BICRAL: variants seen among roughly 807,000 people sequenced by gnomAD.
BICRAL encodes the protein BICRA like chromatin remodeling complex associated protein, also known as BRD4-interacting chromatin-remodeling complex-associated protein-like.
A neutral mutation model predicts 91.8 loss-of-function variants in BICRAL; 8 were observed. The ratio of observed to expected loss-of-function variants is 0.09; its 90% CI spans 0.05 to 0.16. The LOEUF (loss-of-function observed/expected upper bound fraction) is 0.16, where lower values mean the gene tolerates loss of function less well. BICRAL is among the 10% of genes least tolerant of loss of function. The probability of loss-of-function intolerance (pLI) is 1.00; values close to 1 mark genes in which losing one functional copy is unlikely to be tolerated. For synonymous variants in BICRAL, 445 were observed against 491.1 expected (o/e 0.91, Z 1.24); for missense variants, 1,038 against 1,310.9 (o/e 0.79, Z 3.21).
intron 1 of BICRAL, among the ~76,000 whole-genome samples, chr6:42,787,645 G>C (rs761776514): frequency 2.0e-4 from 31 of 152,150 alleles, no homozygotes; most frequent in Non-Finnish European, 2.1e-4. Flanking sequence ...AAGAAAGAGG[G>C]AATGGTCACC....
At chr6:42,789,186 T>C (rs1320485342) in intron 1 of BICRAL, among the ~76,000 whole-genome samples, 1 of 152,188 alleles carries the variant, frequency 6.6e-6, no homozygotes, top group African/African-American at 2.4e-5. Context: ...TAAAGCTGGA[T>C]AGGGCTCTTG....
At chr6:42,781,604 T>G (rs1383344456), upstream of BICRAL, among the ~76,000 whole-genome samples, 6 of 147,274 alleles carry the variant, frequency 4.1e-5, no homozygotes, top group African/African-American at 1.5e-4. Context: ...TGGGTGTGTG[T>G]GTGTGTGTGT....
At chr6:42,783,018 G>T (rs1290183713) in intron 1 of BICRAL, among the ~76,000 whole-genome samples, 1 of 151,788 alleles carries the variant, frequency 6.6e-6, no homozygotes, top group Admixed American at 6.6e-5. Flanking sequence ...CGGAGACGGG[G>T]TTTATTTTTC....
intron 1 of BICRAL, among the ~76,000 whole-genome samples, chr6:42,776,011 G>GT (rs1264647428): frequency 6.6e-6 from 1 of 152,000 alleles, no homozygotes; most frequent in South Asian, 2.1e-4. Context: ...TGAAGCAAAG[G>GT]TTTTTTATTT....
At chr6:42,851,207 C>T (rs1226392545) in intron 6 of BICRAL, among the ~76,000 whole-genome samples, 1 of 151,808 alleles carries the variant, frequency 6.6e-6, no homozygotes. Flanking sequence ...TAAATAAAAG[C>T]CCTTTATCTT....
At chr6:42,783,881 C>T (rs1763019052) in intron 1 of BICRAL, among the ~76,000 whole-genome samples, 1 of 152,182 alleles carries the variant, frequency 6.6e-6, no homozygotes, top group Admixed American at 6.5e-5. Context: ...ACGTCTTTGT[C>T]TTCTCTGGCC....
At chr6:42,852,465 C>G (rs143954651) in intron 7 of BICRAL, 1 of 563,936 alleles carries the variant, frequency 1.8e-6, no homozygotes, top group Non-Finnish European at 3.4e-6. Flanking sequence ...AGTTCAAGAC[C>G]AGCCCGACCA....
At chr6:42,752,912 CTTTTT>C (rs57864510) in intron 1 of BICRAL, among the ~76,000 whole-genome samples, 1 of 82,230 alleles carries the variant, frequency 1.2e-5, no homozygotes, top group Non-Finnish European at 2.3e-5. Context: ...CCCCAGCTGA[CTTTTT>C]TTTTTTTTTT....
At chr6:42,809,108 C>T (rs933359996) in intron 1 of BICRAL, among the ~76,000 whole-genome samples, 1 of 151,668 alleles carries the variant, frequency 6.6e-6, no homozygotes, top group Admixed American at 6.6e-5. Flanking sequence ...CCCGGCACCC[C>T]CCCCAACAGG....
chr6:42,863,049 CT>C (rs34653827), intron 12 of BICRAL, among the ~76,000 whole-genome samples: 7,307 of 130,610 alleles, frequency 0.056, 119 homozygotes, highest in Non-Finnish European at 0.071. Context: ...ATGGACATTT[CT>C]TTTTTTTTTT....
intron 1 of BICRAL, among the ~76,000 whole-genome samples, chr6:42,757,602 A>G (rs766210702): frequency 3.3e-5 from 5 of 151,950 alleles, no homozygotes; most frequent in African/African-American, 4.8e-5. Flanking sequence ...GGCCAGAAAG[A>G]TCTCGAACTC....
At chr6:42,843,685 C>T (rs988363138) in intron 6 of BICRAL, among the ~76,000 whole-genome samples, 2 of 151,868 alleles carry the variant, frequency 1.3e-5, no homozygotes, top group African/African-American at 2.4e-5. Flanking sequence ...AGGGTATGTT[C>T]GTCAAGTTTG....
intron 1 of BICRAL, among the ~76,000 whole-genome samples, chr6:42,754,640 C>G (rs1250043632): frequency 6.6e-6 from 1 of 152,182 alleles, no homozygotes; most frequent in East Asian, 1.9e-4. Flanking sequence ...GCCTGTAATG[C>G]CAGCACTTTG....
At chr6:42,851,982 T>G (rs1765198116) in intron 6 of BICRAL, 110 bp from the exon 7 acceptor site, 17 of 658,434 alleles carry the variant, frequency 2.6e-5, no homozygotes, top group Non-Finnish European at 4.2e-5. Flanking sequence ...TTGTTTATAA[T>G]CTAACCTGAA....
At chr6:42,824,158 G>A (rs1032444204) in intron 5 of BICRAL, among the ~76,000 whole-genome samples, 2 of 151,822 alleles carry the variant, frequency 1.3e-5, no homozygotes, top group African/African-American at 4.8e-5. Flanking sequence ...TTGAACCAGG[G>A]AGTTGGAGGT....
chr6:42,828,751 C>T lies in BICRAL; in HGVS notation c.418C>T (p.Gln140Ter). The T allele has an allele frequency of 6.2e-7, 1 of 1,614,222 alleles. No individual in the cohort carries two copies. The highest frequency in any genetic ancestry group is 8.5e-7 in the Non-Finnish European group (1 of 1,180,038). ...TTCAAGCCAACAGTTTGCACAAGCT[C>T]AGCTTCATCCTTCTTCATCAGCATC... is the stretch of plus-strand genomic sequence containing the variant. Reference protein sequence around the residue: ...IGSSQQFAQAQLHPSSSASFT... With the variant: ...IGSSQQFAQA Residue 140 changes from glutamine (Q) to a stop codon, truncating the protein, a stop_gained, in exon 6 of 13, where the codon CAG becomes TAG. Coordinates refer to ENST00000314073, the MANE Select transcript of BICRAL (RefSeq NM_001393499.1). LOFTEE classifies it high-confidence loss of function.
At chr6:42,796,314 G>T (rs1763412278) in intron 1 of BICRAL, among the ~76,000 whole-genome samples, 1 of 152,274 alleles carries the variant, frequency 6.6e-6, no homozygotes, top group Non-Finnish European at 1.5e-5. Context: ...TAAGCCTGAG[G>T]ATATCTGGAG....
chr6:42,833,489 C>T (rs910333859), intron 6 of BICRAL, among the ~76,000 whole-genome samples: 3 of 151,986 alleles, frequency 2.0e-5, no homozygotes, highest in Non-Finnish European at 4.4e-5. Flanking sequence ...ACTCTATTGT[C>T]CAGGCTAGAG....
chr6:42,785,694 A>G (rs1046503013), intron 1 of BICRAL, among the ~76,000 whole-genome samples: 1 of 152,230 alleles, frequency 6.6e-6, no homozygotes, highest in Non-Finnish European at 1.5e-5. Flanking sequence ...AATTGTGGAC[A>G]TATCTTCTGG....
Sources: gnomAD v4.1 joint callset for allele counts (sites outside exome capture counted in the v4.1 genomes callset) on GRCh38, gnomAD v4.1.1 for gene constraint, MANE v1.5 for transcripts, NCBI Gene and HGNC (gene_info 2026-07-23, HGNC 2026-07-21) for gene names.